The following PATJ variants were observed in gnomAD, a reference collection of about 807,000 sequenced individuals.
The protein encoded by PATJ is inaD-like protein.
In PATJ, 190 loss-of-function variants were observed where a neutral mutation model predicts 224.9. The ratio of observed to expected loss-of-function variants is 0.84; its 90% confidence interval spans 0.75 to 0.95. The LOEUF is 0.95. Among genes scored for constraint, PATJ ranks in the 40% least tolerant of loss-of-function variants. PATJ has a pLI of 0.00. For missense variants in PATJ, 2,121 were observed against 2,270.3 expected (o/e 0.93, Z 1.34); for synonymous variants, 769 against 820.3 (o/e 0.94, Z 1.07).
intron 30 of PATJ, among the ~76,000 whole-genome samples, chr1:62,048,707 T>G (rs566351816): frequency 9.9e-4 from 150 of 152,258 alleles, no homozygotes; most frequent in Non-Finnish European, 1.3e-3. Context: ...GGTAGTATTT[T>G]TAATCTGGTA....
intron 17 of PATJ, among the ~76,000 whole-genome samples, chr1:61,848,511 T>C (rs1296139633): frequency 6.6e-6 from 1 of 152,172 alleles, no homozygotes; most frequent in East Asian, 1.9e-4. Flanking sequence ...AACCTTTCCT[T>C]TGCCTCTTTG....
chr1:62,090,844 C>T (rs761537559), intron 33 of PATJ, among the ~76,000 whole-genome samples: 7 of 152,164 alleles, frequency 4.6e-5, no homozygotes, highest in Non-Finnish European at 4.4e-5. Context: ...CTTCAATGTC[C>T]ACTTCTCAGA....
Position 61,769,260 on chromosome 1 carries a change from T to A in PATJ, c.385-23T>A, listed in dbSNP as rs568679193. 1.3e-3 allele frequency: 2,011 copies of A among 1,595,268 alleles called. 40 individuals are homozygous for A. The South Asian group carries it at 0.021, about 17-fold the overall frequency. On this transcript the variant is annotated intron_variant, in intron 4 of 43. Coordinates refer to ENST00000642238, the MANE Select transcript of PATJ (RefSeq NM_001350145.3). ...TGGCTAAATGTACACCATTGACTTT[T>A]TTTTTTAACGCTCCTTCATTAGGGC...
At chr1:62,155,893 T>C (rs1319158391) in intron 43 of PATJ, among the ~76,000 whole-genome samples, 1 of 150,442 alleles carries the variant, frequency 6.6e-6, no homozygotes, top group Non-Finnish European at 1.5e-5. Context: ...CCGTCTCTAC[T>C]AAAAATATAA....
intron 17 of PATJ, among the ~76,000 whole-genome samples, chr1:61,850,174 G>A (rs148999864): frequency 6.6e-6 from 1 of 152,266 alleles, no homozygotes; most frequent in African/African-American, 2.4e-5. Flanking sequence ...CTGTGACAGA[G>A]CCTGTTTCCG....
At chr1:61,747,635 G>T (rs1645089975) in intron 1 of PATJ, among the ~76,000 whole-genome samples, 1 of 152,132 alleles carries the variant, frequency 6.6e-6, no homozygotes, top group Non-Finnish European at 1.5e-5. Context: ...AAGTTTGTGA[G>T]TGCTCTTACT....
chr1:61,913,320 G>A (rs941361909), intron 25 of PATJ, among the ~76,000 whole-genome samples: 11 of 151,802 alleles, frequency 7.2e-5, no homozygotes, highest in African/African-American at 2.2e-4. Context: ...CTGTAGCCTC[G>A]ACCTCAGCCC....
chr1:62,039,287 A>T (rs1651025424), intron 30 of PATJ, among the ~76,000 whole-genome samples: 1 of 152,212 alleles, frequency 6.6e-6, no homozygotes, highest in African/African-American at 2.4e-5. Context: ...ACCTATCAAA[A>T]TATTAGTAAG....
intron 29 of PATJ, among the ~76,000 whole-genome samples, chr1:62,028,592 A>G (rs1378910390): frequency 6.6e-6 from 1 of 151,714 alleles, no homozygotes; most frequent in Non-Finnish European, 1.5e-5. Context: ...CAGACTGGGC[A>G]ACATAGCGAG....
intron 42 of PATJ, among the ~76,000 whole-genome samples, chr1:62,151,590 C>CA (rs533316023): frequency 6.6e-6 from 1 of 151,826 alleles, no homozygotes; most frequent in African/African-American, 2.4e-5. Context: ...GACTCCGTCT[C>CA]AAAAAAATAA....
chr1:61,946,370 A>G (rs1199246426), intron 27 of PATJ, among the ~76,000 whole-genome samples: 1 of 152,206 alleles, frequency 6.6e-6, no homozygotes, highest in Non-Finnish European at 1.5e-5. Flanking sequence ...TGCAATAAAA[A>G]ATGATAAAGG....
chr1:62,144,095 G>T (rs1423030039), intron 41 of PATJ, among the ~76,000 whole-genome samples: 1 of 152,158 alleles, frequency 6.6e-6, no homozygotes, highest in South Asian at 2.1e-4. Flanking sequence ...GAGACTTTTC[G>T]GGGCAGGGAG....
chr1:61,791,903 A>G (rs1649949747), intron 9 of PATJ, among the ~76,000 whole-genome samples: 1 of 152,202 alleles, frequency 6.6e-6, no homozygotes, highest in African/African-American at 2.4e-5. Context: ...GAAATAAACT[A>G]TGAGAATAAG....
rs959419856 is a variant in PATJ at position 62,018,398 on chromosome 1, A to G, written c.3959+451A>G. Among the ~76,000 whole-genome samples, 3 of 152,224 alleles carry G rather than the reference A, an allele frequency of 2.0e-5. No individual in the cohort carries two copies. The highest frequency in any genetic ancestry group is 4.8e-5 in the African/African-American group (2 of 41,462). ...GCTCAGAGTAGAGAAGATGTTCAGCACTGCTGCCTAGAGTTGTGTTGTGTG... is the reference window on the plus strand; with the variant it reads ...GCTCAGAGTAGAGAAGATGTTCAGCGCTGCTGCCTAGAGTTGTGTTGTGTG... On this transcript the variant is annotated intron_variant, in intron 29 of 43. Coordinates refer to ENST00000642238, the MANE Select transcript of PATJ (RefSeq NM_001350145.3). The surrounding 1 kb of genome is among the most constrained non-coding windows in gnomAD (Gnocchi z 4.2).
At chr1:62,144,773 A>ATATATATATATAT (rs1017771263) in intron 41 of PATJ, among the ~76,000 whole-genome samples, 3 of 86,910 alleles carry the variant, frequency 3.5e-5, no homozygotes, top group African/African-American at 1.5e-4. Context: ...TTGCAAAAAA[A>ATATATATATATAT]AAAAATATAT....
chr1:61,984,643 T>C (rs1330946727), intron 27 of PATJ, among the ~76,000 whole-genome samples: 2 of 152,086 alleles, frequency 1.3e-5, no homozygotes, highest in African/African-American at 2.4e-5. Flanking sequence ...GCAGGATTAT[T>C]GGAAATGTCA....
At chr1:61,779,357 G>A (rs1647118195) in intron 7 of PATJ, among the ~76,000 whole-genome samples, 1 of 152,192 alleles carries the variant, frequency 6.6e-6, no homozygotes, top group Non-Finnish European at 1.5e-5. Flanking sequence ...AATGTCTGAG[G>A]AAGCTCTGTT....
chr1:62,089,500 T>C (rs898024864), intron 33 of PATJ, among the ~76,000 whole-genome samples: 1 of 152,104 alleles, frequency 6.6e-6, no homozygotes, highest in African/African-American at 2.4e-5. Context: ...AAATGAGGGA[T>C]GGGACACAGC....
rs76752961 is a variant in PATJ at position 61,836,873 on chromosome 1, A to T, written c.2112+3088A>T. ...GGCAAATTCTTGCCCTGCCAGGCCT[A>T]GCATGTTCAGAACAAAAAGTACTGC... On this transcript the variant is annotated intron_variant, in intron 17 of 43. Coordinates refer to ENST00000642238, the MANE Select transcript of PATJ (RefSeq NM_001350145.3). Among the ~76,000 whole-genome samples the T allele has an allele frequency of 5.5e-3, 834 of 152,368 alleles. 27 individuals are homozygous for T. The East Asian group carries it at 0.085, about 16-fold the overall frequency.
Sources: gnomAD v4.1 joint callset for allele counts (sites outside exome capture counted in the v4.1 genomes callset) on GRCh38, gnomAD v4.1.1 for gene constraint, Gnocchi (gnomAD v3.1) non-coding constraint, MANE v1.5 for transcripts, NCBI Gene and HGNC (gene_info 2026-07-23, HGNC 2026-07-21) for gene names.